The following DUSP13B variants were observed in gnomAD, a reference collection of about 807,000 sequenced individuals.
DUSP13B encodes dual specificity protein phosphatase 13B.
chr10:75,099,455 G>T, the DUSP13B span: 173 of 1,232,556 alleles, frequency 1.4e-4, 2 homozygotes, highest in South Asian at 5.8e-3. Flanking sequence ...GGCCGGGAAT[G>T]GGGGAGTGGG....
chr10:75,095,106 G>A, the DUSP13B span, among the ~76,000 whole-genome samples: 5 of 152,304 alleles, frequency 3.3e-5, no homozygotes, highest in East Asian at 9.7e-4. Context: ...TCCAGTCCAG[G>A]TGCTTCCTCA....
the DUSP13B span, chr10:75,103,926 G>C: frequency 7.6e-7 from 1 of 1,316,022 alleles, no homozygotes; most frequent in Non-Finnish European, 1.0e-6. Flanking sequence ...CTGAGAGGGG[G>C]TGTAGGCGCC....
At chr10:75,105,984 G>A in the DUSP13B span, 3 of 941,164 alleles carry the variant, frequency 3.2e-6, no homozygotes, top group Non-Finnish European at 4.9e-6. Flanking sequence ...GTGATCCTGA[G>A]CAAGTCACTC....
the DUSP13B span, among the ~76,000 whole-genome samples, chr10:75,098,540 T>A: frequency 6.6e-6 from 1 of 152,092 alleles, no homozygotes; most frequent in East Asian, 1.9e-4. Flanking sequence ...GGCAGGCAGA[T>A]CAACTGAGGT....
chr10:75,095,702 G>A, the DUSP13B span: 1 of 1,614,206 alleles, frequency 6.2e-7, no homozygotes, highest in Non-Finnish European at 8.5e-7. Context: ...GGTAGAATTT[G>A]GCACCTGTGT....
chr10:75,097,346 T>C, the DUSP13B span, among the ~76,000 whole-genome samples: 1 of 152,250 alleles, frequency 6.6e-6, no homozygotes, highest in African/African-American at 2.4e-5. Flanking sequence ...GTAGCTGTGA[T>C]TGCAGGCGTC....
At chr10:75,095,919 A>C in the DUSP13B span, 1 of 892,612 alleles carries the variant, frequency 1.1e-6, no homozygotes, top group Non-Finnish European at 1.7e-6. Context: ...AAGAGCCTGC[A>C]AATTGGCCCA....
chr10:75,095,480 G>T, the DUSP13B span: 1 of 1,146,682 alleles, frequency 8.7e-7, no homozygotes, highest in Non-Finnish European at 1.3e-6. Context: ...GAAAGGGTTT[G>T]TCTCTCTGGA....
the DUSP13B span, among the ~76,000 whole-genome samples, chr10:75,100,129 CA>C: frequency 1.3e-5 from 2 of 152,098 alleles, no homozygotes; most frequent in South Asian, 4.1e-4. Context: ...CCCTGGTGGC[CA>C]ATGGGTGTGT....
At chr10:75,108,011 A>G in the DUSP13B span, 6 of 1,613,050 alleles carry the variant, frequency 3.7e-6, no homozygotes, top group Admixed American at 8.4e-5. Context: ...TGTTGAGGGC[A>G]CGGTGGATGA....
the DUSP13B span, among the ~76,000 whole-genome samples, chr10:75,103,364 G>A: frequency 6.6e-6 from 1 of 151,902 alleles, no homozygotes; most frequent in Non-Finnish European, 1.5e-5. Context: ...CAGGTGTAGA[G>A]CAGGTCTTCA....
chr10:75,096,192 T>C, the DUSP13B span, among the ~76,000 whole-genome samples: 1 of 150,948 alleles, frequency 6.6e-6, no homozygotes, highest in Admixed American at 6.6e-5. Context: ...GAGGCGGAGG[T>C]TGCAGTGAGC....
the DUSP13B span, among the ~76,000 whole-genome samples, chr10:75,098,248 A>C: frequency 6.6e-6 from 1 of 152,208 alleles, no homozygotes; most frequent in Non-Finnish European, 1.5e-5. Flanking sequence ...TGAAAGCCCC[A>C]GATGGCTGTG....
At chr10:75,101,913 T>C in the DUSP13B span, 1 of 1,367,694 alleles carries the variant, frequency 7.3e-7, no homozygotes, top group Non-Finnish European at 9.8e-7. Flanking sequence ...GACGGGCAGT[T>C]CGTGCTGCTG....
At chr10:75,104,232 T>G in the DUSP13B span, 2 of 480,876 alleles carry the variant, frequency 4.2e-6, no homozygotes, top group East Asian at 1.4e-4. Flanking sequence ...GTCAAGTGAG[T>G]GCAGCTGCTG....
chr10:75,099,574 G>C, the DUSP13B span: 50 of 1,231,306 alleles, frequency 4.1e-5, 1 homozygote, highest in Admixed American at 3.8e-4. Context: ...GCGCCCATGG[G>C]GGGTGGGGCC....
the DUSP13B span, among the ~76,000 whole-genome samples, chr10:75,100,612 C>T: frequency 3.3e-3 from 499 of 152,302 alleles, 1 homozygote; most frequent in Non-Finnish European, 6.1e-3. Flanking sequence ...AGGGCCCGGC[C>T]GAGCTCCCCT....
chr10:75,100,623 C>T, the DUSP13B span, among the ~76,000 whole-genome samples: 3 of 152,208 alleles, frequency 2.0e-5, no homozygotes, highest in Non-Finnish European at 4.4e-5. Flanking sequence ...GAGCTCCCCT[C>T]CCACTCCCTG....
At chr10:75,100,594 G>C in the DUSP13B span, among the ~76,000 whole-genome samples, 1 of 152,158 alleles carries the variant, frequency 6.6e-6, no homozygotes, top group African/African-American at 2.4e-5. Context: ...CCAACGTCCA[G>C]CAGGGCCAGG....
Sources: allele counts gnomAD v4.1 joint callset (sites outside exome capture counted in the v4.1 genomes callset), GRCh38; gene constraint gnomAD v4.1.1; transcripts MANE v1.5; gene names NCBI Gene and HGNC (gene_info 2026-07-23, HGNC 2026-07-21).